The following STX11 variants were observed in gnomAD, a reference collection of about 807,000 sequenced individuals.
The protein encoded by STX11 is syntaxin-11.
Under a neutral mutation model 19.9 loss-of-function variants are expected in STX11, and 21 were observed. That is an observed-to-expected ratio of 1.06 (90% CI 0.75 to 1.52). The LOEUF is 1.52. Ranked by LOEUF, STX11 falls within the 40% of genes most tolerant of loss-of-function variation. The pLI, the probability that STX11 is intolerant of heterozygous loss-of-function variation, is 0.00. For missense variants in STX11, 438 were observed against 405.9 expected (o/e 1.08, Z -0.68); for synonymous variants, 193 against 174.4 (o/e 1.11, Z -0.84).
At chr6:144,150,204 G>A (rs78846654), upstream of STX11, among the ~76,000 whole-genome samples, 6,851 of 152,360 alleles carry the variant, frequency 0.045, 499 homozygotes, top group African/African-American at 0.15. Context: ...AGCGCAGCGG[G>A]GATTCCCGGG....
At chr6:144,168,017 C>T (rs1801528265) in intron 1 of STX11, among the ~76,000 whole-genome samples, 1 of 152,214 alleles carries the variant, frequency 6.6e-6, no homozygotes. Context: ...TTCAGGGCAA[C>T]TAAGCCCAGT....
Position 144,150,550 on chromosome 6 carries a change from C to G in STX11, c.-159C>G. Reference sequence around the variant, plus strand: ...CCGCGGCGGCGCGGAGCTCGGGCGGCCGTGGAGGAACTCAGCCTCGGCCGC... The same window carrying G: ...CCGCGGCGGCGCGGAGCTCGGGCGGGCGTGGAGGAACTCAGCCTCGGCCGC... On this transcript the variant is annotated 5_prime_UTR_variant, in exon 1 of 2. Transcript: ENST00000367568. 1 of 985,474 alleles carries G rather than the reference C, an allele frequency of 1.0e-6. No homozygotes were observed. The highest frequency in any genetic ancestry group is 4.7e-5 in the South Asian group (1 of 21,294). 61.0% of individuals were successfully genotyped at this position (985,474 alleles called of 1,614,324 possible). A position where few individuals can be genotyped will look rare whatever the true frequency, so the allele number is the denominator to read the frequency against.
chr6:144,189,728 T>C lies in STX11; in HGVS notation c.*2237T>C, dbSNP rs1429883375. 6.6e-6 allele frequency among the ~76,000 whole-genome samples: 1 copy of C among 152,232 alleles called. No homozygotes were observed. The highest frequency in any genetic ancestry group is 1.5e-5 in the Non-Finnish European group (1 of 68,042). ...ATCTATCCCCTGTATCTAATTTTAATTTCATGGTTAAATTTGAGAATTGTG... is the reference window on the plus strand; with the variant it reads ...ATCTATCCCCTGTATCTAATTTTAACTTCATGGTTAAATTTGAGAATTGTG... On this transcript the variant is annotated 3_prime_UTR_variant, in exon 2 of 2. Coordinates refer to ENST00000367568, the MANE Select transcript of STX11 (RefSeq NM_003764.4).
intron 1 of STX11, among the ~76,000 whole-genome samples, chr6:144,156,301 C>T (rs1444543973): frequency 2.0e-5 from 3 of 152,026 alleles, no homozygotes; most frequent in South Asian, 2.1e-4. Context: ...CTACCTCAGG[C>T]GATCAGCCCA....
At chr6:144,161,439 C>T (rs1801335894) in intron 1 of STX11, among the ~76,000 whole-genome samples, 1 of 152,158 alleles carries the variant, frequency 6.6e-6, no homozygotes, top group South Asian at 2.1e-4. Context: ...ATGATCTCAG[C>T]TCACTGCAAC....
rs559519701 is a variant in STX11, at chr6:144,188,873, C to T, written c.*1382C>T. On this transcript the variant is annotated 3_prime_UTR_variant, in exon 2 of 2. Transcript: ENST00000367568. ...TCCTGAGAAGTTGGGACTCTGGGCG[C>T]GTGCCACAATGTCTGGCTAATTTTT... 1.6e-4 allele frequency among the ~76,000 whole-genome samples: 25 copies of T among 151,646 alleles called. No individual in the cohort carries two copies. The South Asian group carries it at 2.5e-3, about 15-fold the overall frequency.
rs912273891 is a variant in STX11, at chr6:144,184,100, G to C, written c.-5-2523G>C. ...TGGCTGTATAGTACAGTCTAACATT[G>C]ATGGGCATTTGGGTTGGTTCCGTGT... On this transcript the variant is annotated intron_variant, in intron 1 of 1. Coordinates refer to ENST00000367568, the MANE Select transcript of STX11 (RefSeq NM_003764.4). The surrounding 1 kb of genome is among the most constrained non-coding windows in gnomAD (Gnocchi z 6.5). 2.0e-5 allele frequency among the ~76,000 whole-genome samples: 3 copies of C among 152,172 alleles called. No individual in the cohort carries two copies. The highest frequency in any genetic ancestry group is 4.4e-5 in the Non-Finnish European group (3 of 68,030).
chr6:144,158,138 C>T (rs1028905331), intron 1 of STX11, among the ~76,000 whole-genome samples: 8 of 152,224 alleles, frequency 5.3e-5, no homozygotes, highest in African/African-American at 1.9e-4. Context: ...AGAACCTTCA[C>T]CCTAAACTCT....
At position 144,160,320 on chromosome 6, in the gene STX11, T is replaced by C. The variant is rs569556329; in HGVS notation, c.-6+9617T>C. On this transcript the variant is annotated intron_variant, in intron 1 of 1. Transcript: ENST00000367568. This position sits in a 1 kb window ranked among gnomAD's most constrained non-coding sequence, Gnocchi z 4.3. ...TGTGCCTGGCCTTTTTAAAAATTAT[T>C]TTTGTACCTCCTTATTTCTCCCCAT... Among the ~76,000 whole-genome samples, 2 of 152,298 alleles carry C rather than the reference T, an allele frequency of 1.3e-5. No individual in the cohort carries two copies. The highest frequency in any genetic ancestry group is 1.9e-4 in the East Asian group (1 of 5,184).
rs925241526 is a variant in STX11, at chr6:144,175,550, A to G, written c.-5-11073A>G. 2.6e-5 allele frequency among the ~76,000 whole-genome samples: 4 copies of G among 152,064 alleles called. No homozygotes were observed. The highest frequency in any genetic ancestry group is 9.7e-5 in the African/African-American group (4 of 41,402). The stretch of plus-strand genomic sequence containing the variant: ...TTGAACTCCTGAACTTAGGTGATCC[A>G]CACACTTCGGCCTCTCAAAGTGCTG... On this transcript the variant is annotated intron_variant, in intron 1 of 1. Coordinates refer to ENST00000367568, the MANE Select transcript of STX11 (RefSeq NM_003764.4). This position sits in a 1 kb window ranked among gnomAD's most constrained non-coding sequence, Gnocchi z 5.1.
chr6:144,169,233 C>T lies in STX11; in HGVS notation c.-5-17390C>T, dbSNP rs572808691. On this transcript the variant is annotated intron_variant, in intron 1 of 1. Coordinates refer to ENST00000367568, the MANE Select transcript of STX11 (RefSeq NM_003764.4). The surrounding 1 kb of genome is among the most constrained non-coding windows in gnomAD (Gnocchi z 5.2). ...CATCCTTAATTCCTGTAGAGGCTGT[C>T]TCAGCTCTAGTCAGTGTCTTTCCGG... 6.6e-6 allele frequency among the ~76,000 whole-genome samples: 1 copy of T among 152,328 alleles called. No individual in the cohort carries two copies. Among genetic ancestry groups the T allele is most frequent in the East Asian group, 1.9e-4 (1 of 5,188 alleles).
rs11356106 is a variant in STX11 at position 144,188,725 on chromosome 6, C to CTTTTT, written c.*1249_*1253dup. ...ATTATTGTTAAAATTTTTCTTTTTC[C>CTTTTT]TTTTTTTTTTTTTTTTTTTGAGATG... On this transcript the variant is annotated 3_prime_UTR_variant, in exon 2 of 2. Transcript: ENST00000367568. 1.0e-4 allele frequency among the ~76,000 whole-genome samples: 12 copies of CTTTTT among 117,918 alleles called. No individual in the cohort carries two copies. The highest frequency in any genetic ancestry group is 2.1e-4 in the African/African-American group (6 of 28,908). 77.4% of individuals were successfully genotyped at this position (117,918 alleles called of 152,430 possible).
chr6:144,150,358 C>T (rs545058597), upstream of STX11, among the ~76,000 whole-genome samples: 19 of 152,306 alleles, frequency 1.2e-4, no homozygotes, highest in East Asian at 1.2e-3. Flanking sequence ...AGCGCGTCCC[C>T]GGCTCCGGGC....
rs1802173299 is a variant in STX11, at chr6:144,189,935, A to G, written c.*2444A>G. ...AGAGATATTGTAAATAGAGACTGCC[A>G]GCCAGTTTCCACAAAAAAACGAAGA... On this transcript the variant is annotated 3_prime_UTR_variant, in exon 2 of 2. Coordinates refer to ENST00000367568, the MANE Select transcript of STX11 (RefSeq NM_003764.4). Among the ~76,000 whole-genome samples, 1 of 152,244 alleles carries G rather than the reference A, an allele frequency of 6.6e-6. No homozygotes were observed. Among genetic ancestry groups the G allele is most frequent in the African/African-American group, 2.4e-5 (1 of 41,476 alleles).
intron 1 of STX11, among the ~76,000 whole-genome samples, chr6:144,171,289 G>T (rs1320325175): frequency 6.6e-6 from 1 of 152,176 alleles, no homozygotes; most frequent in Non-Finnish European, 1.5e-5. Context: ...GGGTCAGTAA[G>T]GCCATAATAA....
intron 1 of STX11, among the ~76,000 whole-genome samples, chr6:144,186,321 T>C (rs1802030964): frequency 9.7e-6 from 1 of 103,508 alleles, no homozygotes; most frequent in Non-Finnish European, 1.7e-5. Flanking sequence ...TATAATAAAA[T>C]ATATATAAAT....
In STX11 at chr6:144,188,077, C is replaced by T. The variant is rs1802111405; in HGVS notation, c.*586C>T. 2 of 242,924 alleles carry T rather than the reference C, an allele frequency of 8.2e-6. No homozygotes were observed. Among genetic ancestry groups the T allele is most frequent in the Admixed American group, 5.7e-5 (1 of 17,680 alleles). 15.0% of individuals were successfully genotyped at this position (242,924 alleles called of 1,614,324 possible). A position where few individuals can be genotyped will look rare whatever the true frequency, so the allele number is the denominator to read the frequency against. On this transcript the variant is annotated 3_prime_UTR_variant, in exon 2 of 2. Transcript: ENST00000367568. ...TTATTAAAATCACACCAAACACTTA[C>T]TATTTTCTTATCTCTTTCACTTTTT...
In STX11 at chr6:144,160,225, C is replaced by T. The variant is rs559197490; in HGVS notation, c.-6+9522C>T. Reference sequence around the variant, plus strand: ...TCACTATATTTGGCCAGGCTGGTCTCGAACTCCTGACCTCAGGTGAACCGC... The same window carrying T: ...TCACTATATTTGGCCAGGCTGGTCTTGAACTCCTGACCTCAGGTGAACCGC... On this transcript the variant is annotated intron_variant, in intron 1 of 1. Coordinates refer to ENST00000367568, the MANE Select transcript of STX11 (RefSeq NM_003764.4). This position sits in a 1 kb window ranked among gnomAD's most constrained non-coding sequence, Gnocchi z 4.3. Among the ~76,000 whole-genome samples, 2 of 152,170 alleles carry T rather than the reference C, an allele frequency of 1.3e-5. No individual in the cohort carries two copies. Among genetic ancestry groups the T allele is most frequent in the African/African-American group, 2.4e-5 (1 of 41,512 alleles).
At chr6:144,150,810 G>A (rs1014443986) in intron 1 of STX11, 107 bp downstream of exon 1, 1 of 876,512 alleles carries the variant, frequency 1.1e-6, no homozygotes, top group Non-Finnish European at 1.4e-6. Context: ...CTAGGCTCGG[G>A]ACCCGCGGCT....
Sources: gnomAD v4.1 joint callset for allele counts (sites outside exome capture counted in the v4.1 genomes callset) on GRCh38, gnomAD v4.1.1 for gene constraint, Gnocchi (gnomAD v3.1) non-coding constraint, MANE v1.5 for transcripts, NCBI Gene and HGNC (gene_info 2026-07-23, HGNC 2026-07-21) for gene names.